The following FRMD4A variants were observed in gnomAD, a reference collection of about 807,000 sequenced individuals.
FRMD4A encodes FERM domain containing 4A.
FRMD4A carries 29 observed loss-of-function variants against 129.1 expected under a neutral mutation model. That is an observed-to-expected ratio of 0.22 (90% CI 0.17 to 0.31). The LOEUF (loss-of-function observed/expected upper bound fraction) is 0.31. FRMD4A is among the 10% of genes least tolerant of loss of function. The probability of loss-of-function intolerance (pLI) is 1.00; values close to 1 mark genes in which losing one functional copy is unlikely to be tolerated. For missense variants in FRMD4A, 1,272 were observed against 1,375.8 expected (o/e 0.92, Z 1.19); for synonymous variants, 634 against 571.6 (o/e 1.11, Z -1.56).
At chr10:13,991,032 G>A (rs1337175915) in intron 2 of FRMD4A, among the ~76,000 whole-genome samples, 3 of 152,146 alleles carry the variant, frequency 2.0e-5, no homozygotes, top group Admixed American at 6.6e-5. Context: ...TAATGGAATT[G>A]AACAATTATC....
At chr10:13,702,037 G>A (rs1364467372) in intron 13 of FRMD4A, among the ~76,000 whole-genome samples, 1 of 152,134 alleles carries the variant, frequency 6.6e-6, no homozygotes, top group African/African-American at 2.4e-5. Flanking sequence ...AGAGAGAAAT[G>A]TGCCCAGCCC....
intron 3 of FRMD4A, among the ~76,000 whole-genome samples, chr10:13,838,804 G>C (rs533678584): frequency 6.6e-6 from 1 of 151,920 alleles, no homozygotes; most frequent in Non-Finnish European, 1.5e-5. Context: ...TGTTCTGTTT[G>C]CTACATACCT....
At chr10:13,814,150 G>C (rs2093496048) in intron 3 of FRMD4A, among the ~76,000 whole-genome samples, 1 of 152,274 alleles carries the variant, frequency 6.6e-6, no homozygotes, top group Admixed American at 6.5e-5. Flanking sequence ...AGATAGAGGA[G>C]GAGGAATGGG....
intron 2 of FRMD4A, among the ~76,000 whole-genome samples, chr10:13,891,247 C>T (rs919734315): frequency 1.4e-4 from 21 of 152,006 alleles, no homozygotes; most frequent in African/African-American, 4.4e-4. Context: ...TTGTCTGAAA[C>T]GCCCTGTCCT....
rs74121339 is a variant in FRMD4A, at chr10:13,645,805, A to G, written c.*1233T>C. ...TTGTCACACAAGTGCTAACGAACAGAAAATGAGCCACGACAGTTAAACACT... is the reference window on the plus strand; with the variant it reads ...TTGTCACACAAGTGCTAACGAACAGGAAATGAGCCACGACAGTTAAACACT... On this transcript the variant is annotated 3_prime_UTR_variant, in exon 25 of 25. Coordinates refer to ENST00000357447, the MANE Select transcript of FRMD4A (RefSeq NM_018027.5). The G allele has an allele frequency of 0.035, 5,310 of 152,740 alleles. 240 individuals are homozygous for G. Among genetic ancestry groups the G allele is most frequent in the African/African-American group, 0.099 (4,106 of 41,550 alleles). The allele number at this position is 152,740 out of a possible 1,614,324, so 9.5% of individuals were successfully genotyped here.
intron 15 of FRMD4A, among the ~76,000 whole-genome samples, chr10:13,681,291 T>C (rs2084559407): frequency 6.6e-6 from 1 of 152,208 alleles, no homozygotes; most frequent in Non-Finnish European, 1.5e-5. Flanking sequence ...CTAAAGGATT[T>C]ACTGCTTCAT....
intron 6 of FRMD4A, among the ~76,000 whole-genome samples, chr10:13,781,227 C>T (rs1413406071): frequency 6.9e-6 from 1 of 145,508 alleles, no homozygotes; most frequent in Admixed American, 7.3e-5. Context: ...TCACTTGAAC[C>T]CAGAAGGTGG....
intron 15 of FRMD4A, chr10:13,684,980 A>G (rs1401987779): frequency 1.0e-6 from 1 of 983,630 alleles, no homozygotes; most frequent in Admixed American, 6.1e-5. Flanking sequence ...AAAGGTTAGA[A>G]TTCTTCTTTA....
intron 2 of FRMD4A, among the ~76,000 whole-genome samples, chr10:14,010,422 A>T (rs1435710252): frequency 1.3e-5 from 2 of 152,170 alleles, no homozygotes; most frequent in Admixed American, 1.3e-4. Context: ...ACTCCCACAC[A>T]TCTGAGTCTC....
At chr10:14,044,126 G>C (rs941899922) in intron 2 of FRMD4A, among the ~76,000 whole-genome samples, 1 of 152,188 alleles carries the variant, frequency 6.6e-6, no homozygotes, top group Non-Finnish European at 1.5e-5. Context: ...ACTGTGTCCT[G>C]CCCTTTGGGT....
intron 2 of FRMD4A, among the ~76,000 whole-genome samples, chr10:14,024,384 C>G (rs998366860): frequency 5.9e-5 from 9 of 152,210 alleles, no homozygotes; most frequent in African/African-American, 2.2e-4. Flanking sequence ...GCTCCAGTGT[C>G]AGCTCAAAGT....
rs1471546505 is a variant in FRMD4A at position 13,645,223 on chromosome 10, G to C, written c.*1815C>G. On this transcript the variant is annotated 3_prime_UTR_variant, in exon 25 of 25. Transcript: ENST00000357447. Reference sequence around the variant, plus strand: ...CTTGGATTCCACATACATGAAAAGCGAAGATTTTTCTTTGTTTTTATGCTT... The same window carrying C: ...CTTGGATTCCACATACATGAAAAGCCAAGATTTTTCTTTGTTTTTATGCTT... 6.6e-6 allele frequency: 1 copy of C among 152,160 alleles called. No individual in the cohort carries two copies. Among genetic ancestry groups the C allele is most frequent in the African/African-American group, 2.4e-5 (1 of 41,432 alleles). The allele number at this position is 152,160 out of a possible 1,614,324, so 9.4% of individuals were successfully genotyped here. A position where few individuals can be genotyped will look rare whatever the true frequency, so the allele number is the denominator to read the frequency against.
At chr10:13,888,717 T>C (rs2094656178) in intron 2 of FRMD4A, among the ~76,000 whole-genome samples, 1 of 152,160 alleles carries the variant, frequency 6.6e-6, no homozygotes, top group Non-Finnish European at 1.5e-5. Flanking sequence ...TCATATCAGG[T>C]GCTACCCCAA....
intron 10 of FRMD4A, 38 bp from the exon 11 acceptor site, chr10:13,740,289 A>G: frequency 7.1e-7 from 1 of 1,413,250 alleles, no homozygotes; most frequent in Non-Finnish European, 1.0e-6. Flanking sequence ...ACACACACAC[A>G]ATGCGCAAAA....
chr10:13,841,543 T>C (rs751083899), intron 3 of FRMD4A, among the ~76,000 whole-genome samples: 42 of 152,188 alleles, frequency 2.8e-4, no homozygotes, highest in Non-Finnish European at 5.3e-4. Flanking sequence ...CAATCATGCC[T>C]ACATAATGAA....
intron 5 of FRMD4A, among the ~76,000 whole-genome samples, chr10:13,794,711 G>A (rs2093076408): frequency 6.6e-6 from 1 of 152,208 alleles, no homozygotes; most frequent in South Asian, 2.1e-4. Context: ...TGCGGATTTG[G>A]AAATTCTTCT....
At chr10:13,689,719 T>C (rs2085490000) in intron 15 of FRMD4A, among the ~76,000 whole-genome samples, 1 of 149,678 alleles carries the variant, frequency 6.7e-6, no homozygotes, top group South Asian at 2.1e-4. Flanking sequence ...TGTCCAGCTA[T>C]ATTAAGAAGA....
At chr10:13,870,374 A>G (rs2094425599) in intron 2 of FRMD4A, among the ~76,000 whole-genome samples, 1 of 152,180 alleles carries the variant, frequency 6.6e-6, no homozygotes, top group African/African-American at 2.4e-5. Flanking sequence ...TCTCAGTTTC[A>G]AGAGTGGGCC....
chr10:14,146,197 G>C (rs1165253854), intron 2 of FRMD4A, among the ~76,000 whole-genome samples: 5 of 152,194 alleles, frequency 3.3e-5, no homozygotes, highest in African/African-American at 1.2e-4. Context: ...GTGGCTCATA[G>C]TAAGTTACAA....
Sources: allele counts gnomAD v4.1 joint callset (sites outside exome capture counted in the v4.1 genomes callset), GRCh38; gene constraint gnomAD v4.1.1; transcripts MANE v1.5; gene names NCBI Gene and HGNC (gene_info 2026-07-23, HGNC 2026-07-21).